Variants in STX3 observed in about 807,000 individuals in gnomAD.
The protein encoded by STX3 is syntaxin 3, also known as syntaxin-3.
STX3 carries 19 observed loss-of-function variants against 40.2 expected under a neutral mutation model. The observed-to-expected ratio is 0.47, with a 90% CI of 0.33 to 0.69. The LOEUF (loss-of-function observed/expected upper bound fraction) is 0.69, where lower values mean the gene tolerates loss of function less well. Among genes scored for constraint, STX3 ranks in the 30% least tolerant of loss-of-function variants. The probability of loss-of-function intolerance (pLI) is 0.02; values close to 1 mark genes in which losing one functional copy is unlikely to be tolerated. For missense variants in STX3, 364 were observed against 366.7 expected, an observed-to-expected ratio of 0.99 and a Z score of 0.06; for synonymous variants, 122 against 132.2, an observed-to-expected ratio of 0.92 and a Z score of 0.53.
rs535649985 is a variant in STX3, at chr11:59,756,711, G to A, written c.30+1076G>A. On this transcript the variant is annotated intron_variant, in intron 1 of 10. Coordinates refer to ENST00000337979, the MANE Select transcript of STX3 (RefSeq NM_004177.5). ...TTGTCTCCTGGCTCCACTGCTTACT[G>A]GTGATCCCTTAAAATCCCAGCCTAA... Among the ~76,000 whole-genome samples the A allele has an allele frequency of 4.6e-5, 7 of 152,334 alleles. No homozygotes were observed. In the South Asian group the frequency reaches 6.2e-4, roughly 14 times the overall value.
intron 1 of STX3, among the ~76,000 whole-genome samples, chr11:59,772,965 C>G (rs979863062): frequency 1.1e-4 from 15 of 132,944 alleles, no homozygotes; most frequent in African/African-American, 4.5e-4. Flanking sequence ...CCCCTCACCC[C>G]CTGAAAGAAA....
At chr11:59,773,900 G>A (rs1462281897) in intron 2 of STX3, among the ~76,000 whole-genome samples, 1 of 151,542 alleles carries the variant, frequency 6.6e-6, no homozygotes, top group Non-Finnish European at 1.5e-5. Context: ...AATCCGGGAG[G>A]TGGAGGTTGC....
At chr11:59,793,232 A>T in intron 7 of STX3, 60 bp downstream of exon 7, 1 of 1,608,176 alleles carries the variant, frequency 6.2e-7, no homozygotes. Context: ...GCCACTGCGG[A>T]GCTCATGCAG....
At chr11:59,757,332 T>TA (rs1439872134) in intron 1 of STX3, among the ~76,000 whole-genome samples, 1 of 151,944 alleles carries the variant, frequency 6.6e-6, no homozygotes, top group African/African-American at 2.4e-5. Flanking sequence ...CCAGCAACCA[T>TA]AAAAAAGTAC....
At chr11:59,787,959 A>G (rs545774809) in intron 3 of STX3, among the ~76,000 whole-genome samples, 96 of 152,228 alleles carry the variant, frequency 6.3e-4, no homozygotes, top group African/African-American at 2.2e-3. Context: ...GCATATGGGC[A>G]TTGTCTTGAT....
intron 9 of STX3, chr11:59,795,691 G>T: frequency 6.5e-7 from 1 of 1,536,902 alleles, no homozygotes; most frequent in Non-Finnish European, 8.7e-7. Context: ...AGGCTGTCAA[G>T]TATCAGAGTG....
At position 59,805,197 on chromosome 11, in the gene STX3, A is replaced by AC. The variant is rs1167151158; in HGVS notation, c.*4373_*4374insC. Reference sequence around the variant, plus strand: ...CATCTAAAAAAAAAAAAAAAACAAAAAAAAAAAACTGTTCTTAATACTTAA... The same window carrying AC: ...CATCTAAAAAAAAAAAAAAAACAAAACAAAAAAAACTGTTCTTAATACTTAA... On this transcript the variant is annotated 3_prime_UTR_variant, in exon 11 of 11. Coordinates refer to ENST00000337979, the MANE Select transcript of STX3 (RefSeq NM_004177.5). The AC allele has an allele frequency of 1.3e-5, 2 of 150,754 alleles. No individual in the cohort carries two copies. The highest frequency in any genetic ancestry group is 2.9e-5 in the Non-Finnish European group (2 of 67,968). The allele number at this position is 150,754 out of a possible 1,614,324, so 9.3% of individuals were successfully genotyped here.
chr11:59,755,524 C>T lies in STX3; in HGVS notation c.-82C>T, dbSNP rs1433249214. The T allele has an allele frequency of 2.0e-6, 3 of 1,477,476 alleles. No individual in the cohort carries two copies. Among genetic ancestry groups the T allele is most frequent in the Non-Finnish European group, 2.7e-6 (3 of 1,122,834 alleles). 91.5% of individuals were successfully genotyped at this position (1,477,476 alleles called of 1,614,324 possible). On this transcript the variant is annotated 5_prime_UTR_variant, in exon 1 of 11. Transcript: ENST00000337979. ...GCCCCGGCGGGCCCGGCCGCCGCTT[C>T]CGGCAGCTCACCTGGGAAGCGCTCA... is the stretch of plus-strand genomic sequence containing the variant.
In STX3 at chr11:59,801,819, C is replaced by T; in HGVS notation, c.*995C>T. 1.0e-6 allele frequency: 1 copy of T among 984,764 alleles called. No homozygotes were observed. The highest frequency in any genetic ancestry group is 1.2e-6 in the Non-Finnish European group (1 of 829,692). 61.0% of individuals were successfully genotyped at this position (984,764 alleles called of 1,614,324 possible). A position where few individuals can be genotyped will look rare whatever the true frequency, so the allele number is the denominator to read the frequency against. ...GAAATAAAAATGGAAGCTATTATGACCTCAAAAAAAAAAAGCCAACTTTGA... is the reference window on the plus strand; with the variant it reads ...GAAATAAAAATGGAAGCTATTATGATCTCAAAAAAAAAAAGCCAACTTTGA... On this transcript the variant is annotated 3_prime_UTR_variant, in exon 11 of 11. Transcript: ENST00000337979.
In STX3 at chr11:59,801,911, T is replaced by C; in HGVS notation, c.*1087T>C. 2.0e-6 allele frequency: 2 copies of C among 985,524 alleles called. No homozygotes were observed. The highest frequency in any genetic ancestry group is 2.4e-6 in the Non-Finnish European group (2 of 829,934). The allele number at this position is 985,524 out of a possible 1,614,324, so 61.0% of individuals were successfully genotyped here. On this transcript the variant is annotated 3_prime_UTR_variant, in exon 11 of 11. Transcript: ENST00000337979. ...AATGAATCACTGTGGAAATGTGATC[T>C]TCCCATATCATCAAGAAACTTGTTT...
intron 10 of STX3, chr11:59,800,327 A>G: frequency 3.0e-6 from 3 of 985,358 alleles, no homozygotes; most frequent in Non-Finnish European, 3.6e-6. Flanking sequence ...AGATCATAGT[A>G]TCCTCATTTT....
At chr11:59,800,150 C>G (rs1011638790) in intron 10 of STX3, 32 of 985,308 alleles carry the variant, frequency 3.2e-5, no homozygotes, top group Non-Finnish European at 3.9e-5. Context: ...AGTTGTTAAG[C>G]TGCTTTTTTT....
At chr11:59,755,115 G>C (rs979403450), upstream of STX3, 3 of 153,390 alleles carry the variant, frequency 2.0e-5, no homozygotes, top group South Asian at 6.2e-4. Flanking sequence ...CGAGGAGCCC[G>C]GCACAGACAG....
At chr11:59,796,927 A>G (rs1031951316) in intron 9 of STX3, among the ~76,000 whole-genome samples, 1 of 152,176 alleles carries the variant, frequency 6.6e-6, no homozygotes, top group Non-Finnish European at 1.5e-5. Context: ...ACTGGGGAAC[A>G]TGGGAAGATC....
At chr11:59,764,415 A>G (rs1274021894) in intron 1 of STX3, among the ~76,000 whole-genome samples, 1 of 152,250 alleles carries the variant, frequency 6.6e-6, no homozygotes, top group Non-Finnish European at 1.5e-5. Context: ...GAAGAAACTG[A>G]GGCACAGAGA....
chr11:59,795,578 AC>A, intron 9 of STX3, 96 bp downstream of exon 9: 1 of 1,545,822 alleles, frequency 6.5e-7, no homozygotes, highest in Non-Finnish European at 8.7e-7. Flanking sequence ...TTCTGCTGCC[AC>A]CACCTCTTGC....
intron 2 of STX3, among the ~76,000 whole-genome samples, chr11:59,779,102 T>A (rs889368554): frequency 6.6e-6 from 1 of 152,134 alleles, no homozygotes; most frequent in Non-Finnish European, 1.5e-5. Flanking sequence ...CCTCCCAAAG[T>A]GTTGGGATTA....
At chr11:59,794,368 C>T (rs1865394570) in intron 8 of STX3, among the ~76,000 whole-genome samples, 2 of 152,202 alleles carry the variant, frequency 1.3e-5, no homozygotes, top group African/African-American at 4.8e-5. Flanking sequence ...TTGCCATGAA[C>T]TTCCAGCTGC....
At chr11:59,759,156 G>C (rs1590742291) in intron 1 of STX3, among the ~76,000 whole-genome samples, 1 of 152,330 alleles carries the variant, frequency 6.6e-6, no homozygotes, top group Middle Eastern at 3.4e-3. Flanking sequence ...TTACGTACCA[G>C]ATAAGTAAAG....
Sources: allele counts gnomAD v4.1 joint callset (sites outside exome capture counted in the v4.1 genomes callset), GRCh38; gene constraint gnomAD v4.1.1; transcripts MANE v1.5; gene names NCBI Gene and HGNC (gene_info 2026-07-23, HGNC 2026-07-21).